SBNO2: variants seen among roughly 807,000 people sequenced by gnomAD.
The protein encoded by SBNO2 is strawberry notch homolog 2.
Under a neutral mutation model 146.3 loss-of-function variants are expected in SBNO2, and 89 were observed. The observed-to-expected ratio is 0.61, with a 90% CI of 0.51 to 0.73. The LOEUF (loss-of-function observed/expected upper bound fraction) is 0.73. SBNO2 is among the 30% of genes least tolerant of loss of function. SBNO2 has a pLI of 0.00. For synonymous variants in SBNO2, 1,147 were observed against 892.6 expected (o/e 1.29, Z -5.08); for missense variants, 2,092 against 2,003.7 (o/e 1.04, Z -0.84).
intron 3 of SBNO2, 23 bp from the exon 4 acceptor site, chr19:1,147,443 G>T (rs755785753): frequency 1.1e-5 from 10 of 873,912 alleles, no homozygotes; most frequent in Admixed American, 5.3e-5. Flanking sequence ...GGGGGGGGGG[G>T]AGGTGAGATG....
chr19:1,146,919 C>T (rs1599865043), intron 4 of SBNO2, among the ~76,000 whole-genome samples: 1 of 152,254 alleles, frequency 6.6e-6, no homozygotes, highest in East Asian at 1.9e-4. Context: ...GTTCCGTTTT[C>T]AGGTGGCTGC....
chr19:1,119,841 C>T (rs747238943), intron 12 of SBNO2, 65 bp downstream of exon 12: 30 of 1,278,600 alleles, frequency 2.3e-5, no homozygotes, highest in Non-Finnish European at 3.0e-5. Flanking sequence ...GATACCCCTT[C>T]GCGGGGACAG....
chr19:1,123,810 C>T (rs1377092550), intron 6 of SBNO2, 132 bp downstream of exon 6: 2 of 1,107,496 alleles, frequency 1.8e-6, no homozygotes, highest in South Asian at 1.5e-5. Flanking sequence ...TCCATCTCCT[C>T]AGCTATAAAA....
intron 2 of SBNO2, among the ~76,000 whole-genome samples, chr19:1,153,819 C>A (rs999344174): frequency 4.6e-5 from 7 of 152,222 alleles, no homozygotes; most frequent in Non-Finnish European, 1.0e-4. Flanking sequence ...ATTACAAGCA[C>A]GAGCCACTTG....
intron 1 of SBNO2, among the ~76,000 whole-genome samples, chr19:1,163,580 C>T (rs892521349): frequency 1.3e-5 from 2 of 152,226 alleles, no homozygotes; most frequent in South Asian, 4.1e-4. Context: ...ACGAGGCTGT[C>T]TGTGGATTTC....
chr19:1,165,727 T>TC (rs2080409547), intron 1 of SBNO2, among the ~76,000 whole-genome samples: 1 of 64,244 alleles, frequency 1.6e-5, no homozygotes, highest in African/African-American at 6.1e-5. Flanking sequence ...AGACCCCAGA[T>TC]CTCAGACTCC....
At chr19:1,116,130 T>C in intron 16 of SBNO2, 27 bp from the exon 17 acceptor site, 1 of 1,590,502 alleles carries the variant, frequency 6.3e-7, no homozygotes, top group Admixed American at 1.7e-5. Flanking sequence ...GAGTTTATTC[T>C]CACACGAGGA....
At position 1,114,377 on chromosome 19, in the gene SBNO2, T is replaced by C; in HGVS notation, c.1931A>G (p.Glu644Gly). Residue 644 changes from glutamate to glycine, a missense_variant, in exon 18 of 32, where the codon GAG (glutamate) becomes GGG (glycine). By Grantham distance (98) the Glu-to-Gly change is moderately conservative. Coordinates refer to ENST00000361757, the MANE Select transcript of SBNO2 (RefSeq NM_014963.3). ...RGAKAPRLAC[E>G]TAGVIRISDD... is the part of the protein sequence containing the mutation. ...ACTGATGCGGATGACGCCCGCTGTC[T>C]CGCACGCCAGCCGGGGGGCTTTGGC... 1.3e-6 allele frequency: 2 copies of C among 1,554,272 alleles called. No homozygotes were observed. The highest frequency in any genetic ancestry group is 1.2e-5 in the South Asian group (1 of 84,238).
At position 1,108,147 on chromosome 19, in the gene SBNO2, C is replaced by A; in HGVS notation, c.*73G>T. ...CTGAGCAGTGGTCAGGGGACCTTGG[C>A]CCTGCTCCCCACCGCTGCTCCTAGG... On this transcript the variant is annotated 3_prime_UTR_variant, in exon 32 of 32. Transcript: ENST00000361757. The A allele has an allele frequency of 7.0e-7, 1 of 1,421,468 alleles. No homozygotes were observed. The highest frequency in any genetic ancestry group is 2.4e-5 in the Admixed American group (1 of 41,530). 88.1% of individuals were successfully genotyped at this position (1,421,468 alleles called of 1,614,324 possible).
chr19:1,118,333 C>T (rs2079857303), intron 14 of SBNO2, among the ~76,000 whole-genome samples: 1 of 151,838 alleles, frequency 6.6e-6, no homozygotes, highest in Admixed American at 6.6e-5. Context: ...AGTGGAAACC[C>T]CGTCTCAAAA....
At chr19:1,131,276 G>C (rs2080025219) in intron 4 of SBNO2, among the ~76,000 whole-genome samples, 1 of 152,192 alleles carries the variant, frequency 6.6e-6, no homozygotes, top group Non-Finnish European at 1.5e-5. Context: ...TCTGTAGTGA[G>C]GGCAAGCACC....
chr19:1,116,469 G>A (rs904740828), intron 16 of SBNO2, among the ~76,000 whole-genome samples: 3 of 152,066 alleles, frequency 2.0e-5, no homozygotes, highest in South Asian at 2.1e-4. Flanking sequence ...TGACCCTCCC[G>A]GGGCATTCTC....
In SBNO2 at chr19:1,159,010, CGACCCCACCTGCAGCCAT is replaced by C. The variant is rs1289277126; in HGVS notation, c.-126-4626_-126-4609del. 2.7e-3 allele frequency among the ~76,000 whole-genome samples: 402 copies of C among 147,422 alleles called. 1 individual carries two copies. The highest frequency in any genetic ancestry group is 3.3e-3 in the Non-Finnish European group (222 of 67,226). On this transcript the variant is annotated intron_variant, in intron 1 of 31. Transcript: ENST00000361757. ...ACGGCCGTGACCCCACCTGCACCCG[CGACCCCACCTGCAGCCAT>C]GACCCCACCTGCAGCCATGACCCCA...
At position 1,112,217 on chromosome 19, in the gene SBNO2, G is replaced by T; in HGVS notation, c.2600C>A (p.Ser867Tyr). The T allele has an allele frequency of 6.3e-7, 1 of 1,590,404 alleles. No homozygotes were observed. The stretch of plus-strand genomic sequence containing the variant: ...ACTCTCCAGGCGCTTGGCCACGATG[G>T]AGGCGAACCGGCGCTCCCCGGCCAG... The part of the protein sequence containing the change: ...SELAGERRFA[S>Y]IVAKRLESLG... The change falls in exon 22 of 32, where the codon TCC becomes TAC. Residue 867 changes from serine (S) to tyrosine (Y), a missense_variant. Coordinates refer to ENST00000361757, the MANE Select transcript of SBNO2 (RefSeq NM_014963.3). This position sits in a 1 kb window ranked among gnomAD's most constrained non-coding sequence, Gnocchi z 5.9.
At chr19:1,128,335 C>A in intron 4 of SBNO2, 1 of 363,174 alleles carries the variant, frequency 2.8e-6, no homozygotes. Context: ...AGGTGGGGCT[C>A]GCCATGGGGA....
In SBNO2 at chr19:1,127,667, A is replaced by G; in HGVS notation, c.378T>C (p.Ala126=). The part of the protein sequence containing the change: ...DIVDTPDFLP[A]DSLNQVSTIW... Reference sequence around the variant, plus strand: ...TGGTGGACACCTGGTTGAGGCTGTCAGCCGGCAGGAAGTCGGGCGTGTCCA... The same window carrying G: ...TGGTGGACACCTGGTTGAGGCTGTCGGCCGGCAGGAAGTCGGGCGTGTCCA... The change falls in exon 5 of 32, where the codon GCT becomes GCC. Residue 126 remains alanine (A), a synonymous_variant. Transcript: ENST00000361757. 6.2e-7 allele frequency: 1 copy of G among 1,613,486 alleles called. No homozygotes were observed. Among genetic ancestry groups the G allele is most frequent in the Non-Finnish European group, 8.5e-7 (1 of 1,179,792 alleles).
rs781147406 is a variant in SBNO2 at position 1,154,255 on chromosome 19, T to C, written c.22A>G (p.Met8Val). 2.4e-6 allele frequency: 3 copies of C among 1,269,504 alleles called. No homozygotes were observed. Among genetic ancestry groups the C allele is most frequent in the Non-Finnish European group, 2.0e-6 (2 of 1,006,464 alleles). 78.6% of individuals were successfully genotyped at this position (1,269,504 alleles called of 1,614,324 possible). A position where few individuals can be genotyped will look rare whatever the true frequency, so the allele number is the denominator to read the frequency against. MLAVGPA[M>V]DRDYPQHEPP... ...TCATGCTGCGGGTAATCCCTGTCCA[T>C]GGCGGGCCCCACTGCAAGCATCGGG... Residue 8 changes from methionine to valine, a missense_variant, in exon 2 of 32, where the codon ATG becomes GTG. Transcript: ENST00000361757.
intron 23 of SBNO2, 78 bp downstream of exon 23, chr19:1,111,918 T>G: frequency 2.3e-5 from 21 of 905,126 alleles, no homozygotes; most frequent in East Asian, 3.3e-5. Flanking sequence ...ATCTACCCCC[T>G]CCCCCAGGCT....
At chr19:1,118,637 G>A (rs781003437) in intron 14 of SBNO2, among the ~76,000 whole-genome samples, 2 of 152,242 alleles carry the variant, frequency 1.3e-5, no homozygotes, top group Non-Finnish European at 2.9e-5. Context: ...GGGAGGCCGA[G>A]GCGGGCAGAT....
Sources: gnomAD v4.1 joint callset for allele counts (sites outside exome capture counted in the v4.1 genomes callset) on GRCh38, gnomAD v4.1.1 for gene constraint, Gnocchi (gnomAD v3.1) non-coding constraint, MANE v1.5 for transcripts, NCBI Gene and HGNC (gene_info 2026-07-23, HGNC 2026-07-21) for gene names.